The following NRG3 variants were observed in gnomAD, a reference collection of about 807,000 sequenced individuals.
NRG3 encodes the protein pro-neuregulin-3, membrane-bound isoform.
A neutral mutation model predicts 66.9 loss-of-function variants in NRG3; 31 were observed. The ratio of observed to expected loss-of-function variants is 0.46; its 90% CI spans 0.35 to 0.63. NRG3 has a LOEUF of 0.63. Ranked by LOEUF, NRG3 falls within the 20% of genes least tolerant of loss-of-function variation. The pLI, the probability that NRG3 is intolerant of heterozygous loss-of-function variation, is 0.00. For missense variants in NRG3, 910 were observed against 878.9 expected, an observed-to-expected ratio of 1.04 and a Z score of -0.45; for synonymous variants, 393 against 359.4, an observed-to-expected ratio of 1.09 and a Z score of -1.06.
intron 1 of NRG3, among the ~76,000 whole-genome samples, chr10:82,068,675 G>A (rs2064630097): frequency 6.6e-6 from 1 of 152,170 alleles, no homozygotes; most frequent in African/African-American, 2.4e-5. Flanking sequence ...AGATGAAAGA[G>A]GTGACACCAG....
At chr10:82,609,195 T>C (rs1565122897) in intron 2 of NRG3, among the ~76,000 whole-genome samples, 3 of 152,236 alleles carry the variant, frequency 2.0e-5, no homozygotes, top group Admixed American at 6.5e-5. Flanking sequence ...AAGTAACATA[T>C]TCAAAAGCAT....
chr10:82,899,180 C>T (rs1242000245), intron 4 of NRG3, among the ~76,000 whole-genome samples: 1 of 152,108 alleles, frequency 6.6e-6, no homozygotes, highest in Non-Finnish European at 1.5e-5. Context: ...CATTCTTCTG[C>T]ACATAAGGGA....
At chr10:82,458,646 G>A (rs192022650) in intron 2 of NRG3, among the ~76,000 whole-genome samples, 1 of 152,278 alleles carries the variant, frequency 6.6e-6, no homozygotes, top group East Asian at 1.9e-4. Flanking sequence ...TGATTATAGT[G>A]TACACCTTGG....
intron 3 of NRG3, among the ~76,000 whole-genome samples, chr10:82,799,343 C>T (rs982225609): frequency 7.3e-5 from 11 of 151,714 alleles, no homozygotes; most frequent in African/African-American, 1.7e-4. Flanking sequence ...CTGGCCAATG[C>T]GGTGAAACCC....
intron 3 of NRG3, among the ~76,000 whole-genome samples, chr10:82,772,687 C>T (rs986825258): frequency 6.0e-5 from 9 of 149,998 alleles, no homozygotes; most frequent in African/African-American, 2.2e-4. Context: ...CCCATGGTTT[C>T]CAGTTTGCTT....
At chr10:82,609,484 G>A (rs1379990200) in intron 2 of NRG3, among the ~76,000 whole-genome samples, 1 of 151,832 alleles carries the variant, frequency 6.6e-6, no homozygotes, top group Non-Finnish European at 1.5e-5. Context: ...AATTGCTGAA[G>A]TGTCATTTTC....
At chr10:82,732,276 A>G (rs2057949329) in intron 2 of NRG3, among the ~76,000 whole-genome samples, 1 of 152,196 alleles carries the variant, frequency 6.6e-6, no homozygotes, top group Non-Finnish European at 1.5e-5. Context: ...AATATCTGTG[A>G]TATGGTTTGC....
chr10:82,198,983 C>T (rs2074609400), intron 1 of NRG3, among the ~76,000 whole-genome samples: 2 of 145,398 alleles, frequency 1.4e-5, no homozygotes, highest in Non-Finnish European at 3.0e-5. Context: ...GGCAACAGAA[C>T]ACGACTCCAT....
chr10:82,861,718 A>G (rs1276665025), intron 3 of NRG3, among the ~76,000 whole-genome samples: 1 of 152,114 alleles, frequency 6.6e-6, no homozygotes, highest in Non-Finnish European at 1.5e-5. Context: ...TCTCAGCTGC[A>G]CCGGAAAGTT....
intron 2 of NRG3, among the ~76,000 whole-genome samples, chr10:82,379,976 TC>T (rs1174423209): frequency 6.6e-6 from 1 of 151,842 alleles, no homozygotes. Context: ...TTTATAATAT[TC>T]TCAAATGCAA....
intron 2 of NRG3, among the ~76,000 whole-genome samples, chr10:82,508,786 A>G (rs1427822673): frequency 2.0e-5 from 3 of 152,222 alleles, no homozygotes; most frequent in African/African-American, 7.2e-5. Flanking sequence ...CAGGCAAATC[A>G]GTATAATAGT....
intron 1 of NRG3, among the ~76,000 whole-genome samples, chr10:81,986,998 G>A (rs1329711357): frequency 6.6e-6 from 1 of 151,958 alleles, no homozygotes; most frequent in Admixed American, 6.6e-5. Flanking sequence ...CATAGTTACA[G>A]CATCATTGTG....
At chr10:82,363,573 A>G (rs1355248196) in intron 2 of NRG3, among the ~76,000 whole-genome samples, 1 of 152,150 alleles carries the variant, frequency 6.6e-6, no homozygotes, top group East Asian at 1.9e-4. Flanking sequence ...CTCCTGCCTC[A>G]GCCTCCCTGG....
intron 4 of NRG3, among the ~76,000 whole-genome samples, chr10:82,941,569 G>A (rs1848577764): frequency 6.6e-6 from 1 of 152,026 alleles, no homozygotes; most frequent in African/African-American, 2.4e-5. Context: ...AATTAATGCT[G>A]GATTAAATGC....
chr10:82,441,697 G>A (rs1239614727), intron 2 of NRG3, among the ~76,000 whole-genome samples: 1 of 152,112 alleles, frequency 6.6e-6, no homozygotes, highest in Non-Finnish European at 1.5e-5. Flanking sequence ...GGAAAACCAA[G>A]GGTGGTGTAT....
At chr10:82,050,715 G>C (rs2063550829) in intron 1 of NRG3, among the ~76,000 whole-genome samples, 2 of 149,762 alleles carry the variant, frequency 1.3e-5, no homozygotes, top group Non-Finnish European at 1.5e-5. Context: ...CTGCCAACCA[G>C]GTACCACTTT....
intron 2 of NRG3, among the ~76,000 whole-genome samples, chr10:82,384,570 G>C (rs187828750): frequency 2.5e-4 from 38 of 152,236 alleles, no homozygotes; most frequent in Admixed American, 1.1e-3. Context: ...AAGGGTAATG[G>C]CCTCCAGTTG....
At chr10:82,435,541 G>A (rs544042464) in intron 2 of NRG3, among the ~76,000 whole-genome samples, 1 of 152,030 alleles carries the variant, frequency 6.6e-6, no homozygotes, top group South Asian at 2.1e-4. Flanking sequence ...CTGATGTTAA[G>A]TTGTCGATAT....
At chr10:81,918,974 AACACAC>A (rs542060517) in intron 1 of NRG3, among the ~76,000 whole-genome samples, 2 of 150,070 alleles carry the variant, frequency 1.3e-5, no homozygotes, top group Admixed American at 6.6e-5. Context: ...ATCATAACAA[AACACAC>A]ACACACACAC....
Sources: allele counts gnomAD v4.1 joint callset (sites outside exome capture counted in the v4.1 genomes callset), GRCh38; gene constraint gnomAD v4.1.1; transcripts MANE v1.5; gene names NCBI Gene and HGNC (gene_info 2026-07-23, HGNC 2026-07-21).